ZNF487: variants seen among roughly 807,000 people sequenced by gnomAD.
The protein encoded by ZNF487 is KRAB domain only 1.
Under a neutral mutation model 3.0 loss-of-function variants are expected in ZNF487, and 4 were observed. The ratio of observed to expected loss-of-function variants is 1.35; its 90% CI spans 0.66 to 3.08. The LOEUF (loss-of-function observed/expected upper bound fraction) is 3.08. Ranked by LOEUF, ZNF487 falls within the 30% of genes most tolerant of loss-of-function variation. ZNF487 has a pLI of 0.01. For synonymous variants in ZNF487, 55 were observed against 34.6 expected (o/e 1.59, Z -2.06); for missense variants, 146 against 98.7 (o/e 1.48, Z -2.03).
the ZNF487 span, among the ~76,000 whole-genome samples, chr10:43,522,127 G>T: frequency 6.6e-6 from 1 of 152,162 alleles, no homozygotes; most frequent in African/African-American, 2.4e-5. Context: ...GTGTGAATCA[G>T]CTAGAGTAAG....
chr10:43,486,566 C>T (rs1303056085), downstream of ZNF487, among the ~76,000 whole-genome samples: 1 of 150,946 alleles, frequency 6.6e-6, no homozygotes, highest in Non-Finnish European at 1.5e-5. Context: ...GGAAGGAAAG[C>T]AAAGAAATGG....
At chr10:43,465,860 G>A (rs1180265682) in intron 1 of ZNF487, among the ~76,000 whole-genome samples, 4 of 152,190 alleles carry the variant, frequency 2.6e-5, no homozygotes, top group Non-Finnish European at 5.9e-5. Flanking sequence ...AGGTTGTAGC[G>A]AGCCGAGATC....
chr10:43,472,677 C>T (rs1840945024), intron 1 of ZNF487, among the ~76,000 whole-genome samples: 1 of 152,156 alleles, frequency 6.6e-6, no homozygotes, highest in Non-Finnish European at 1.5e-5. Flanking sequence ...TGTGACTTCA[C>T]TTCCTTCTCA....
At chr10:43,441,334 C>T (rs769486067) in intron 1 of ZNF487, among the ~76,000 whole-genome samples, 1 of 151,994 alleles carries the variant, frequency 6.6e-6, no homozygotes, top group East Asian at 1.9e-4. Context: ...GGCACGATCT[C>T]GGCTCACTGC....
the ZNF487 span, among the ~76,000 whole-genome samples, chr10:43,491,363 G>A: frequency 6.6e-6 from 1 of 151,592 alleles, no homozygotes; most frequent in Non-Finnish European, 1.5e-5. Flanking sequence ...TTTGTGTCCT[G>A]TTCTCCAGGT....
downstream of ZNF487, among the ~76,000 whole-genome samples, chr10:43,484,669 T>C (rs1039783883): frequency 3.3e-5 from 5 of 152,194 alleles, no homozygotes; most frequent in African/African-American, 1.2e-4. Flanking sequence ...TATCAAAAGA[T>C]TGTGAAACTG....
At chr10:43,455,409 C>T (rs188114450) in intron 1 of ZNF487, among the ~76,000 whole-genome samples, 43 of 152,348 alleles carry the variant, frequency 2.8e-4, no homozygotes, top group Admixed American at 2.4e-3. Flanking sequence ...GACTACCAAC[C>T]ACCACATCAC....
chr10:43,511,827 C>T, the ZNF487 span, among the ~76,000 whole-genome samples: 76 of 152,270 alleles, frequency 5.0e-4, no homozygotes, highest in African/African-American at 1.8e-3. Context: ...GCTGAGGTCA[C>T]CTGTTGGTGA....
At chr10:43,452,982 C>T (rs528111836) in intron 1 of ZNF487, 1 of 151,858 alleles carries the variant, frequency 6.6e-6, no homozygotes, top group East Asian at 1.9e-4. Context: ...ATACTCTCCA[C>T]TGAATGTAGT....
intron 1 of ZNF487, among the ~76,000 whole-genome samples, chr10:43,449,652 C>T (rs976040637): frequency 6.6e-6 from 1 of 151,134 alleles, no homozygotes; most frequent in African/African-American, 2.4e-5. Context: ...TTGTAATGTT[C>T]CTCAGCAGTT....
At chr10:43,453,633 C>G (rs1840078348) in intron 1 of ZNF487, 1 of 152,180 alleles carries the variant, frequency 6.6e-6, no homozygotes, top group Non-Finnish European at 1.5e-5. Context: ...GTTACTGTTT[C>G]TGAGTGAGCC....
intron 3 of ZNF487, among the ~76,000 whole-genome samples, chr10:43,480,035 CTTTCTTTCT>C (rs879734924): frequency 0.25 from 21,109 of 84,232 alleles, 2,441 homozygotes; most frequent in Non-Finnish European, 0.33. Flanking sequence ...TTCTTTCTTT[CTTTCTTTCT>C]TTTTCTTTCT....
chr10:43,520,743 G>C, the ZNF487 span, among the ~76,000 whole-genome samples: 1 of 152,212 alleles, frequency 6.6e-6, no homozygotes, highest in Non-Finnish European at 1.5e-5. Flanking sequence ...AAGGCATCCA[G>C]CTGCTGAGTA....
chr10:43,466,071 A>G (rs137903834), intron 1 of ZNF487, among the ~76,000 whole-genome samples: 10,942 of 152,108 alleles, frequency 0.072, 550 homozygotes, highest in East Asian at 0.2. Context: ...GCCTGCAATC[A>G]CAGGCACTCG....
At chr10:43,501,537 C>T in the ZNF487 span, among the ~76,000 whole-genome samples, 7 of 152,092 alleles carry the variant, frequency 4.6e-5, no homozygotes, top group African/African-American at 1.7e-4. Flanking sequence ...GTCAGGAATT[C>T]GAGGCCAGCC....
chr10:43,497,739 G>A, the ZNF487 span, among the ~76,000 whole-genome samples: 1 of 151,832 alleles, frequency 6.6e-6, no homozygotes. Flanking sequence ...AGGCCGAGGC[G>A]GGAAGATCAT....
At chr10:43,512,762 C>A in the ZNF487 span, among the ~76,000 whole-genome samples, 2 of 152,176 alleles carry the variant, frequency 1.3e-5, no homozygotes, top group Admixed American at 6.5e-5. Flanking sequence ...CTGGACCCCA[C>A]TCAAAACTGA....
chr10:43,474,597 T>C (rs1037928009), intron 1 of ZNF487, among the ~76,000 whole-genome samples: 5 of 152,118 alleles, frequency 3.3e-5, no homozygotes, highest in Admixed American at 3.3e-4. Flanking sequence ...ATTATTTATT[T>C]TTTGAGACAG....
chr10:43,485,468 T>C (rs543118529), downstream of ZNF487, among the ~76,000 whole-genome samples: 3 of 152,334 alleles, frequency 2.0e-5, no homozygotes, highest in East Asian at 5.8e-4. Flanking sequence ...TTCCTGGCAA[T>C]GAGTCTAAAA....
Sources: allele counts gnomAD v4.1 joint callset (sites outside exome capture counted in the v4.1 genomes callset), GRCh38; gene constraint gnomAD v4.1.1; transcripts MANE v1.5; gene names NCBI Gene and HGNC (gene_info 2026-07-23, HGNC 2026-07-21).